Variants in DYNC1H1 observed in about 807,000 individuals in gnomAD.
DYNC1H1 encodes the protein dynein cytoplasmic 1 heavy chain 1.
DYNC1H1 carries 51 observed loss-of-function variants against 527.1 expected under a neutral mutation model. That is an observed-to-expected ratio of 0.10 (90% CI 0.08 to 0.12). DYNC1H1 has a LOEUF of 0.12. Ranked by LOEUF, DYNC1H1 falls within the 10% of genes least tolerant of loss-of-function variation. The probability of loss-of-function intolerance (pLI) is 1.00; values close to 1 mark genes in which losing one functional copy is unlikely to be tolerated. For synonymous variants in DYNC1H1, 2,189 were observed against 2,278.8 expected (o/e 0.96, Z 1.12); for missense variants, 2,771 against 5,971.8 (o/e 0.46, Z 17.66).
intron 11 of DYNC1H1, among the ~76,000 whole-genome samples, chr14:101,993,465 A>T (rs980324414): frequency 1.3e-5 from 2 of 151,970 alleles, no homozygotes; most frequent in African/African-American, 4.8e-5. Flanking sequence ...GGCCCGTGTA[A>T]TGTGTTGCTT....
At position 102,008,322 on chromosome 14, in the gene DYNC1H1, C is replaced by A; in HGVS notation, c.5962C>A (p.Pro1988Thr). The A allele has an allele frequency of 6.2e-7, 1 of 1,614,170 alleles. No individual in the cohort carries two copies. Among genetic ancestry groups the A allele is most frequent in the Non-Finnish European group, 8.5e-7 (1 of 1,180,038 alleles). The change falls in exon 29 of 78, where the codon CCC (proline) becomes ACC (threonine). Residue 1988 changes from proline to threonine, a missense_variant. Physicochemically the swap from Pro to Thr is conservative, Grantham distance 38. Around this residue, in one of 32 missense-constraint regions of DYNC1H1, gnomAD observed 39 missense variants for 38.8 expected, o/e 1.00. Transcript: ENST00000360184. ...IQEALREHSN[P>T]NYDKTSAPIT... Reference sequence around the variant, plus strand: ...GGAAGCACTGCGTGAACATTCCAACCCCAACTACGACAAGAGTAAGACACC... The same window carrying A: ...GGAAGCACTGCGTGAACATTCCAACACCAACTACGACAAGAGTAAGACACC...
In DYNC1H1 at chr14:102,014,530, CA is replaced by C. The variant is rs35266808; in HGVS notation, c.7015-560del. ...GGGCAACAGGAGCAAAACTCCATCT[CA>C]AAAAAAAAAAAAAACACCAGAGACG... On this transcript the variant is annotated intron_variant, in intron 34 of 77. Coordinates refer to ENST00000360184, the MANE Select transcript of DYNC1H1 (RefSeq NM_001376.5). Among the ~76,000 whole-genome samples the C allele has an allele frequency of 1.2e-3, 141 of 114,458 alleles. 1 individual carries two copies. Among genetic ancestry groups the C allele is most frequent in the Admixed American group, 1.3e-3 (14 of 10,912 alleles). 75.1% of individuals were successfully genotyped at this position (114,458 alleles called of 152,430 possible).
Position 102,005,817 on chromosome 14 carries a change from T to C in DYNC1H1, c.5434-71T>C. Reference sequence around the variant, plus strand: ...TAGAACCTCAATTTCAGTTTAACAGTCCACAAACCCGGAGAATGCACTGTA... The same window carrying C: ...TAGAACCTCAATTTCAGTTTAACAGCCCACAAACCCGGAGAATGCACTGTA... On this transcript the variant is annotated intron_variant, in intron 26 of 77. Transcript: ENST00000360184. The surrounding 1 kb of genome is among the most constrained non-coding windows in gnomAD (Gnocchi z 4.0). 6.3e-7 allele frequency: 1 copy of C among 1,596,190 alleles called. No homozygotes were observed.
chr14:101,996,470 G>A (rs1266859561), intron 15 of DYNC1H1, among the ~76,000 whole-genome samples: 1 of 152,064 alleles, frequency 6.6e-6, no homozygotes, highest in Non-Finnish European at 1.5e-5. Flanking sequence ...GTGAAGCCCA[G>A]CTCCACCTTG....
chr14:101,983,672 G>GTTT lies in DYNC1H1; in HGVS notation c.1461+71_1461+73dup, dbSNP rs368383689. The GTTT allele has an allele frequency of 8.1e-5, 108 of 1,334,864 alleles. No homozygotes were observed. The highest frequency in any genetic ancestry group is 2.2e-4 in the African/African-American group (14 of 63,556). 82.7% of individuals were successfully genotyped at this position (1,334,864 alleles called of 1,614,324 possible). ...GTTTTTGTTTTGTTTTTTGTTTGGT[G>GTTT]TTTTTTTTTTGTTGTTGTTGTTGAG... On this transcript the variant is annotated intron_variant, in intron 7 of 77. Transcript: ENST00000360184. This position sits in a 1 kb window ranked among gnomAD's most constrained non-coding sequence, Gnocchi z 5.3.
Position 101,986,259 on chromosome 14 carries a change from G to A in DYNC1H1, c.2034G>A (p.Glu678=). ...GCAAGGGCTGGGAGAATCACGTGGA[G>A]GGGCAGAAGCTGAAGCAGGATGGAG... ...VLGKGWENHV[E]GQKLKQDGDS... Residue 678 remains glutamate, a synonymous_variant, in exon 8 of 78, where the codon GAG becomes GAA. Coordinates refer to ENST00000360184, the MANE Select transcript of DYNC1H1 (RefSeq NM_001376.5). The surrounding 1 kb of genome is among the most constrained non-coding windows in gnomAD (Gnocchi z 8.7). 6.2e-7 allele frequency: 1 copy of A among 1,614,024 alleles called. No individual in the cohort carries two copies.
rs2141276715 is a variant in DYNC1H1 at position 101,988,851 on chromosome 14, A to G, written c.2867A>G (p.Lys956Arg). 2 of 1,614,196 alleles carry G rather than the reference A, an allele frequency of 1.2e-6. No individual in the cohort carries two copies. Among genetic ancestry groups the G allele is most frequent in the Non-Finnish European group, 1.7e-6 (2 of 1,180,030 alleles). The change falls in exon 10 of 78, where the codon AAA becomes AGA. Residue 956 changes from lysine to arginine, a missense_variant and splice_region_variant. Physicochemically the swap from Lys to Arg is conservative, Grantham distance 26. Transcript: ENST00000360184. Reference protein sequence around the residue: ...SHKPGGEPKIKNVVHELRITN... With the variant: ...SHKPGGEPKIRNVVHELRITN... ...AAGCCTGGTGGAGAGCCAAAGATCA[A>G]AGTGAGTGCTTCTGTGGCATTCTAT...
At position 102,036,425 on chromosome 14, in the gene DYNC1H1, A is replaced by G; in HGVS notation, c.10755-64A>G. The G allele has an allele frequency of 6.2e-7, 1 of 1,605,916 alleles. No homozygotes were observed. Among genetic ancestry groups the G allele is most frequent in the Non-Finnish European group, 8.5e-7 (1 of 1,175,020 alleles). ...AGGGTCTCTCATCAGGGACTCGGCTAACCGTGATCCTGTGCTTTCCCCATT... is the reference window on the plus strand; with the variant it reads ...AGGGTCTCTCATCAGGGACTCGGCTGACCGTGATCCTGTGCTTTCCCCATT... On this transcript the variant is annotated intron_variant, in intron 56 of 77. Coordinates refer to ENST00000360184, the MANE Select transcript of DYNC1H1 (RefSeq NM_001376.5). This position sits in a 1 kb window ranked among gnomAD's most constrained non-coding sequence, Gnocchi z 5.6.
In DYNC1H1 at chr14:101,965,045, G is replaced by C; in HGVS notation, c.256+98G>C. 7.6e-7 allele frequency: 1 copy of C among 1,320,854 alleles called. No homozygotes were observed. 81.8% of individuals were successfully genotyped at this position (1,320,854 alleles called of 1,614,324 possible). ...GTCGCAGATGTCCCCGGGATGGGAGGAGCCCGGCAGCTGCAGATGACCCCT... is the reference window on the plus strand; with the variant it reads ...GTCGCAGATGTCCCCGGGATGGGAGCAGCCCGGCAGCTGCAGATGACCCCT... On this transcript the variant is annotated intron_variant, in intron 1 of 77. Coordinates refer to ENST00000360184, the MANE Select transcript of DYNC1H1 (RefSeq NM_001376.5). This position sits in a 1 kb window ranked among gnomAD's most constrained non-coding sequence, Gnocchi z 4.1.
intron 7 of DYNC1H1, among the ~76,000 whole-genome samples, chr14:101,984,438 TA>T (rs2047907138): frequency 1.5e-5 from 2 of 136,650 alleles, no homozygotes; most frequent in Admixed American, 7.6e-5. Context: ...TGTGTATATA[TA>T]TATATATTAT....
At position 101,984,431 on chromosome 14, in the gene DYNC1H1, GTATA is replaced by G. The variant is rs1555408227; in HGVS notation, c.1461+834_1461+837del. ...TGTGTGTGTGTGTGTGTGTGTGTGT[GTATA>G]TATATATATATTATATTTTTTTTTT... On this transcript the variant is annotated intron_variant, in intron 7 of 77. Transcript: ENST00000360184. 6.4e-4 allele frequency among the ~76,000 whole-genome samples: 53 copies of G among 82,796 alleles called. No homozygotes were observed. The South Asian group carries it at 7.0e-3, about 11-fold the overall frequency. 54.3% of individuals were successfully genotyped at this position (82,796 alleles called of 152,430 possible).
At chr14:101,996,433 T>G (rs2048063370) in intron 15 of DYNC1H1, among the ~76,000 whole-genome samples, 1 of 151,412 alleles carries the variant, frequency 6.6e-6, no homozygotes, top group Non-Finnish European at 1.5e-5. Flanking sequence ...CCCGGCCAAG[T>G]ATCCTTTTAA....
Position 102,009,887 on chromosome 14 carries a change from G to A in DYNC1H1, c.6022G>A (p.Val2008Met). 6.2e-7 allele frequency: 1 copy of A among 1,614,034 alleles called. No individual in the cohort carries two copies. The highest frequency in any genetic ancestry group is 8.5e-7 in the Non-Finnish European group (1 of 1,180,020). ...TCELLNKQVKVSPDMAIFITM... is the reference protein window; with the variant it reads ...TCELLNKQVKMSPDMAIFITM... ...TGAGCTGCTGAACAAACAAGTCAAGGTGAGCCCGGACATGGCCATCTTCAT... is the reference window on the plus strand; with the variant it reads ...TGAGCTGCTGAACAAACAAGTCAAGATGAGCCCGGACATGGCCATCTTCAT... The change falls in exon 30 of 78, where the codon GTG (valine) becomes ATG (methionine). Residue 2008 changes from valine (V) to methionine (M), a missense_variant. Val to Met is a conservative substitution (Grantham distance 21). Transcript: ENST00000360184.
intron 27 of DYNC1H1, 82 bp from the exon 28 acceptor site, chr14:102,006,926 C>CT: frequency 6.7e-7 from 1 of 1,495,692 alleles, no homozygotes; most frequent in Non-Finnish European, 9.3e-7. Flanking sequence ...AAATGAGTTG[C>CT]TTTTTGTAGT....
Position 102,052,151 on chromosome 14 carries a change from A to AGAGACAGGGTCTCACTCGGTTGCCCAGGC in DYNC1H1, c.*1589_*1617dup, listed in dbSNP as rs1278321657. 6.7e-6 allele frequency: 1 copy of AGAGACAGGGTCTCACTCGGTTGCCCAGGC among 149,028 alleles called. No individual in the cohort carries two copies. Among genetic ancestry groups the AGAGACAGGGTCTCACTCGGTTGCCCAGGC allele is most frequent in the Admixed American group, 6.7e-5 (1 of 14,940 alleles). 9.2% of individuals were successfully genotyped at this position (149,028 alleles called of 1,614,324 possible). On this transcript the variant is annotated 3_prime_UTR_variant, in exon 78 of 78. Transcript: ENST00000360184. ...CCCCTAAACACATGTTTTTCTTTTT[A>AGAGACAGGGTCTCACTCGGTTGCCCAGGC]GAGACAGGGTCTCACTCGGTTGCCC...
intron 17 of DYNC1H1, 33 bp downstream of exon 17, chr14:102,000,177 C>T (rs375560633): frequency 4.3e-5 from 69 of 1,613,910 alleles, no homozygotes; most frequent in Non-Finnish European, 5.2e-5. Context: ...TGGAGAATCC[C>T]GCTCCCCACC....
In DYNC1H1 at chr14:102,038,692, T is replaced by C; in HGVS notation, c.11056-6T>C. Reference sequence around the variant, plus strand: ...AGACAGACTGTTCTGTTACCTATTTTGGCAGGTCGAGTTCCCACCAGATCT... The same window carrying C: ...AGACAGACTGTTCTGTTACCTATTTCGGCAGGTCGAGTTCCCACCAGATCT... On this transcript the variant is annotated splice_polypyrimidine_tract_variant and splice_region_variant and intron_variant, in intron 58 of 77. Coordinates refer to ENST00000360184, the MANE Select transcript of DYNC1H1 (RefSeq NM_001376.5). This position sits in a 1 kb window ranked among gnomAD's most constrained non-coding sequence, Gnocchi z 7.2. The C allele has an allele frequency of 6.2e-7, 1 of 1,614,256 alleles. No homozygotes were observed. Among genetic ancestry groups the C allele is most frequent in the Non-Finnish European group, 8.5e-7 (1 of 1,180,054 alleles).
At position 102,036,268 on chromosome 14, in the gene DYNC1H1, C is replaced by G; in HGVS notation, c.10755-221C>G. ...ACTATGGCCCTCTTGGTGTATGACT[C>G]AAGCTACCTCCTCATGCCAATAGTT... On this transcript the variant is annotated intron_variant, in intron 56 of 77. Coordinates refer to ENST00000360184, the MANE Select transcript of DYNC1H1 (RefSeq NM_001376.5). This position sits in a 1 kb window ranked among gnomAD's most constrained non-coding sequence, Gnocchi z 5.6. 1 of 539,278 alleles carries G rather than the reference C, an allele frequency of 1.9e-6. No homozygotes were observed. The highest frequency in any genetic ancestry group is 3.4e-6 in the Non-Finnish European group (1 of 297,902). The allele number at this position is 539,278 out of a possible 1,614,324, so 33.4% of individuals were successfully genotyped here.
intron 15 of DYNC1H1, among the ~76,000 whole-genome samples, chr14:101,995,781 C>T (rs2048054018): frequency 6.6e-6 from 1 of 152,006 alleles, no homozygotes; most frequent in Non-Finnish European, 1.5e-5. Context: ...TTAGTGTAGG[C>T]CAGGCACGGT....
Sources: gnomAD v4.1 joint callset for allele counts (sites outside exome capture counted in the v4.1 genomes callset) on GRCh38, gnomAD v4.1.1 for gene constraint, gnomAD v4.1.1 regional missense constraint, Gnocchi (gnomAD v3.1) non-coding constraint, MANE v1.5 for transcripts, NCBI Gene and HGNC (gene_info 2026-07-23, HGNC 2026-07-21) for gene names.